CRTAC1: variants seen among roughly 807,000 people sequenced by gnomAD.
The protein encoded by CRTAC1 is cartilage acidic protein 1.
CRTAC1 carries 37 observed loss-of-function variants against 67.8 expected under a neutral mutation model. That is an observed-to-expected ratio of 0.55 (90% CI 0.42 to 0.72). The LOEUF (loss-of-function observed/expected upper bound fraction) is 0.72, where lower values mean the gene tolerates loss of function less well. Ranked by LOEUF, CRTAC1 falls within the 30% of genes least tolerant of loss-of-function variation. CRTAC1 has a pLI of 0.00. For missense variants in CRTAC1, 780 were observed against 931.6 expected (o/e 0.84, Z 2.12); for synonymous variants, 348 against 371.0 (o/e 0.94, Z 0.71).
intron 2 of CRTAC1, among the ~76,000 whole-genome samples, chr10:97,974,899 C>G (rs1397699288): frequency 6.6e-6 from 1 of 152,176 alleles, no homozygotes; most frequent in Non-Finnish European, 1.5e-5. Context: ...GAAGCAGCTG[C>G]CTCGGCGCAG....
chr10:97,934,354 C>T (rs867674726), intron 3 of CRTAC1, among the ~76,000 whole-genome samples: 2 of 152,200 alleles, frequency 1.3e-5, no homozygotes, highest in Non-Finnish European at 1.5e-5. Flanking sequence ...GGGATAATTA[C>T]TATCTCTCAG....
chr10:97,897,059 C>T, intron 8 of CRTAC1, 68 bp from the exon 9 acceptor site: 2 of 1,178,834 alleles, frequency 1.7e-6, no homozygotes, highest in Non-Finnish European at 2.4e-6. Flanking sequence ...GGCCCACCTG[C>T]TCCATTCTGT....
At chr10:98,010,509 C>T (rs192599184) in intron 2 of CRTAC1, among the ~76,000 whole-genome samples, 19 of 152,232 alleles carry the variant, frequency 1.2e-4, no homozygotes, top group East Asian at 9.7e-4. Context: ...AAAACTGGAA[C>T]GTTTACACCT....
intron 2 of CRTAC1, among the ~76,000 whole-genome samples, chr10:97,939,002 G>C (rs1250299247): frequency 2.6e-5 from 4 of 152,160 alleles, no homozygotes; most frequent in African/African-American, 9.7e-5. Flanking sequence ...GTGGGTCTGT[G>C]AGTCTCACTA....
At chr10:97,890,728 C>T (rs998730886) in intron 11 of CRTAC1, among the ~76,000 whole-genome samples, 6 of 150,828 alleles carry the variant, frequency 4.0e-5, no homozygotes, top group African/African-American at 1.5e-4. Flanking sequence ...AGTGCAATGG[C>T]ACAATCTTGC....
rs373105928 is a variant in CRTAC1 at position 97,997,854 on chromosome 10, CAG to C, written c.224+13282_224+13283del. Among the ~76,000 whole-genome samples, 33 of 152,248 alleles carry C rather than the reference CAG, an allele frequency of 2.2e-4. No homozygotes were observed. The East Asian group carries it at 6.2e-3, about 28-fold the overall frequency. On this transcript the variant is annotated intron_variant, in intron 2 of 14. Coordinates refer to ENST00000370597, the MANE Select transcript of CRTAC1 (RefSeq NM_018058.7). ...GAAAATTATCCAGAATGCAGCAGCA[CAG>C]AGAGACAGAAGATGAAATAATGTGA...
chr10:98,030,342 TTCCCGGGC>T lies in CRTAC1; in HGVS notation c.24+99_24+106del, dbSNP rs200474249. The T allele has an allele frequency of 4.0e-3, 2,671 of 673,546 alleles. 37 individuals are homozygous for T. The highest frequency in any genetic ancestry group is 0.035 in the African/African-American group (1,887 of 53,532). 41.7% of individuals were successfully genotyped at this position (673,546 alleles called of 1,614,324 possible). ...CCTTCGCGATCCCAGTCTTCCCGGG[TTCCCGGGC>T]GGCGTCCCCGCCACCCTTGCGGGCG... On this transcript the variant is annotated intron_variant, in intron 1 of 14. Coordinates refer to ENST00000370597, the MANE Select transcript of CRTAC1 (RefSeq NM_018058.7). This position sits in a 1 kb window ranked among gnomAD's most constrained non-coding sequence, Gnocchi z 4.2.
chr10:97,948,163 A>G (rs2051294818), intron 2 of CRTAC1, among the ~76,000 whole-genome samples: 1 of 152,122 alleles, frequency 6.6e-6, no homozygotes, highest in African/African-American at 2.4e-5. Context: ...TGTTCCTTAT[A>G]ATAAGTAAAT....
At chr10:97,882,762 C>A (rs752790417) in intron 13 of CRTAC1, 24 bp downstream of exon 13, 1 of 1,613,592 alleles carries the variant, frequency 6.2e-7, no homozygotes, top group East Asian at 2.2e-5. Flanking sequence ...CTACCCCATG[C>A]CCTGGTGACT....
intron 2 of CRTAC1, among the ~76,000 whole-genome samples, chr10:97,954,416 G>A (rs183280478): frequency 7.9e-5 from 12 of 152,298 alleles, no homozygotes; most frequent in Admixed American, 5.2e-4. Context: ...CTGACTCGAC[G>A]TTGTGATTGC....
intron 2 of CRTAC1, among the ~76,000 whole-genome samples, chr10:97,976,023 T>A (rs940122271): frequency 6.6e-6 from 1 of 151,862 alleles, no homozygotes; most frequent in Admixed American, 6.5e-5. Flanking sequence ...TAGCTGCCTC[T>A]GAGGACCAGA....
At chr10:97,912,858 G>A (rs952272059) in intron 5 of CRTAC1, among the ~76,000 whole-genome samples, 1 of 152,188 alleles carries the variant, frequency 6.6e-6, no homozygotes. Context: ...AGCTTACTTT[G>A]CAATGAATGC....
At chr10:98,008,434 G>A (rs377354509) in intron 2 of CRTAC1, among the ~76,000 whole-genome samples, 2 of 151,358 alleles carry the variant, frequency 1.3e-5, no homozygotes, top group African/African-American at 2.4e-5. Context: ...GTGGGGTGGG[G>A]GGGCACCCAA....
At chr10:97,879,260 A>AG (rs1197624630) in intron 14 of CRTAC1, among the ~76,000 whole-genome samples, 1 of 152,182 alleles carries the variant, frequency 6.6e-6, no homozygotes, top group African/African-American at 2.4e-5. Flanking sequence ...ACAGGAAGTC[A>AG]GGGGCAAAAA....
At chr10:97,932,079 C>A (rs554408149) in intron 3 of CRTAC1, among the ~76,000 whole-genome samples, 1 of 152,302 alleles carries the variant, frequency 6.6e-6, no homozygotes, top group Admixed American at 6.5e-5. Flanking sequence ...TCTCCTTTCC[C>A]TTACCCGCTT....
intron 11 of CRTAC1, among the ~76,000 whole-genome samples, chr10:97,886,150 G>C (rs183351026): frequency 3.9e-5 from 6 of 152,200 alleles, no homozygotes; most frequent in Non-Finnish European, 5.9e-5. Flanking sequence ...GAAGGGAGCC[G>C]GGTGCTGGGG....
chr10:97,969,007 A>G (rs2051663249), intron 2 of CRTAC1, among the ~76,000 whole-genome samples: 1 of 152,120 alleles, frequency 6.6e-6, no homozygotes, highest in Non-Finnish European at 1.5e-5. Context: ...TGGTCTTAAT[A>G]CCAGAGTTTG....
At chr10:97,886,446 CT>C (rs1257539589) in intron 11 of CRTAC1, among the ~76,000 whole-genome samples, 1 of 152,200 alleles carries the variant, frequency 6.6e-6, no homozygotes, top group African/African-American at 2.4e-5. Context: ...TCCTCACACA[CT>C]GAGTTCCCCT....
intron 11 of CRTAC1, among the ~76,000 whole-genome samples, chr10:97,894,553 G>A (rs535135494): frequency 2.0e-5 from 3 of 150,346 alleles, no homozygotes; most frequent in South Asian, 2.1e-4. Flanking sequence ...GCGCCACCAC[G>A]CTTGGCTATT....
Sources: gnomAD v4.1 joint callset for allele counts (sites outside exome capture counted in the v4.1 genomes callset) on GRCh38, gnomAD v4.1.1 for gene constraint, Gnocchi (gnomAD v3.1) non-coding constraint, MANE v1.5 for transcripts, NCBI Gene and HGNC (gene_info 2026-07-23, HGNC 2026-07-21) for gene names.